Variants in RAB38 observed in about 807,000 individuals in gnomAD.
RAB38 encodes the protein RAB38, member RAS oncogene family.
Under a neutral mutation model 18.4 loss-of-function variants are expected in RAB38, and 15 were observed. The observed-to-expected ratio is 0.82, with a 90% CI of 0.55 to 1.26. The LOEUF (loss-of-function observed/expected upper bound fraction) is 1.26. Ranked by LOEUF, RAB38 falls within the 50% of genes most tolerant of loss-of-function variation. The pLI is 0.00. For synonymous variants in RAB38, 101 were observed against 104.4 expected, an observed-to-expected ratio of 0.97 and a Z score of 0.20; for missense variants, 294 against 267.4, an observed-to-expected ratio of 1.10 and a Z score of -0.69.
At chr11:87,856,974 A>G in the RAB38 span, among the ~76,000 whole-genome samples, 1 of 151,930 alleles carries the variant, frequency 6.6e-6, no homozygotes, top group Admixed American at 6.6e-5. Context: ...TTAACTCATC[A>G]TTTACATTAG....
the RAB38 span, among the ~76,000 whole-genome samples, chr11:87,944,754 C>T: frequency 1.3e-5 from 2 of 152,148 alleles, no homozygotes; most frequent in Non-Finnish European, 2.9e-5. Context: ...TAACTTGTGA[C>T]ATATGGGACT....
At chr11:87,977,890 TAG>T in the RAB38 span, among the ~76,000 whole-genome samples, 2 of 111,458 alleles carry the variant, frequency 1.8e-5, no homozygotes, top group Non-Finnish European at 3.3e-5. Flanking sequence ...GATGTAGTCA[TAG>T]ATTTACATAT....
At chr11:88,139,048 T>C (rs1413508027) in intron 2 of RAB38, among the ~76,000 whole-genome samples, 14 of 152,136 alleles carry the variant, frequency 9.2e-5, no homozygotes, top group Non-Finnish European at 2.1e-4. Flanking sequence ...CCTCCCAAAG[T>C]GCTGGGATAA....
chr11:88,032,988 C>A, the RAB38 span, among the ~76,000 whole-genome samples: 5 of 152,178 alleles, frequency 3.3e-5, no homozygotes, highest in South Asian at 4.1e-4. Context: ...AAATGTCCAA[C>A]AATGATAGAC....
chr11:88,036,072 T>C, the RAB38 span, among the ~76,000 whole-genome samples: 1 of 152,210 alleles, frequency 6.6e-6, no homozygotes, highest in Non-Finnish European at 1.5e-5. Flanking sequence ...AAACTACTCC[T>C]TCATAGCTAG....
At chr11:88,077,009 A>AAAAGG in the RAB38 span, among the ~76,000 whole-genome samples, 3 of 116,162 alleles carry the variant, frequency 2.6e-5, no homozygotes, top group African/African-American at 5.6e-5. Flanking sequence ...AAAAGAAAAG[A>AAAAGG]AAAGAAAAGA....
chr11:88,068,932 C>T, the RAB38 span, among the ~76,000 whole-genome samples: 82 of 152,236 alleles, frequency 5.4e-4, 1 homozygote, highest in Admixed American at 2.6e-4. Context: ...TCCTCGGCCT[C>T]GGTGGCCAGA....
intron 1 of RAB38, among the ~76,000 whole-genome samples, chr11:88,164,711 C>T (rs2134850094): frequency 6.6e-6 from 1 of 152,020 alleles, no homozygotes; most frequent in South Asian, 2.1e-4. Flanking sequence ...TTAGGTAGTG[C>T]TTTTGGCCTA....
At chr11:87,953,078 G>GACA in the RAB38 span, among the ~76,000 whole-genome samples, 2 of 95,562 alleles carry the variant, frequency 2.1e-5, no homozygotes. Context: ...TATTTACACA[G>GACA]ACTCCTGATG....
the RAB38 span, among the ~76,000 whole-genome samples, chr11:87,858,633 T>G: frequency 6.6e-6 from 1 of 152,060 alleles, no homozygotes; most frequent in Non-Finnish European, 1.5e-5. Flanking sequence ...GCCATTGTAT[T>G]AAGGTTAACA....
chr11:88,141,038 A>G (rs1942905742), intron 2 of RAB38, among the ~76,000 whole-genome samples: 1 of 152,206 alleles, frequency 6.6e-6, no homozygotes. Flanking sequence ...CAAGGAGGAA[A>G]GATCCAGGCT....
the RAB38 span, among the ~76,000 whole-genome samples, chr11:88,056,264 C>T: frequency 1.3e-5 from 2 of 152,098 alleles, no homozygotes; most frequent in African/African-American, 4.8e-5. Flanking sequence ...GGGAGCCACA[C>T]TGTTTGTCTT....
At chr11:87,964,386 T>C in the RAB38 span, among the ~76,000 whole-genome samples, 1 of 152,116 alleles carries the variant, frequency 6.6e-6, no homozygotes, top group Non-Finnish European at 1.5e-5. Context: ...ACAGTTTCAA[T>C]GGAACAAATG....
the RAB38 span, among the ~76,000 whole-genome samples, chr11:87,893,391 T>TATATATATATATATATATATA: frequency 1.5e-4 from 1 of 6,662 alleles, no homozygotes; most frequent in Non-Finnish European, 1.0e-3. Context: ...TATATATATA[T>TATATATATATATATATATATA]TTTTTTTTTA....
At chr11:88,091,391 A>G in the RAB38 span, among the ~76,000 whole-genome samples, 1 of 152,032 alleles carries the variant, frequency 6.6e-6, no homozygotes, top group Non-Finnish European at 1.5e-5. Flanking sequence ...CCTTCCCCTC[A>G]ACTCTGCCAG....
the RAB38 span, among the ~76,000 whole-genome samples, chr11:88,099,130 A>T: frequency 6.6e-6 from 1 of 151,976 alleles, no homozygotes; most frequent in Admixed American, 6.6e-5. Flanking sequence ...AATTATTAAA[A>T]ACCAATAGAA....
chr11:87,855,832 T>C, the RAB38 span, among the ~76,000 whole-genome samples: 3 of 150,586 alleles, frequency 2.0e-5, no homozygotes, highest in African/African-American at 7.2e-5. Context: ...CTGACAGTTC[T>C]CTCAGTTGAT....
chr11:87,855,929 C>T, the RAB38 span, among the ~76,000 whole-genome samples: 23 of 152,092 alleles, frequency 1.5e-4, no homozygotes, highest in Non-Finnish European at 2.5e-4. Context: ...AACATGTAAT[C>T]TTGGGGGTAC....
At chr11:87,854,601 C>T in the RAB38 span, among the ~76,000 whole-genome samples, 29,881 of 151,848 alleles carry the variant, frequency 0.2, 3,743 homozygotes, top group African/African-American at 0.34. Flanking sequence ...CTCCTAGAAA[C>T]CAAAATTTAG....
Sources: gnomAD v4.1 joint callset for allele counts (sites outside exome capture counted in the v4.1 genomes callset) on GRCh38, gnomAD v4.1.1 for gene constraint, MANE v1.5 for transcripts, NCBI Gene and HGNC (gene_info 2026-07-23, HGNC 2026-07-21) for gene names.